The following CREB5 variants were observed in gnomAD, a reference collection of about 807,000 sequenced individuals.
CREB5 encodes the protein cyclic AMP-responsive element-binding protein 5.
In CREB5, 19 loss-of-function variants were observed where a neutral mutation model predicts 57.1. That is an observed-to-expected ratio of 0.33 (90% CI 0.23 to 0.49). The LOEUF (loss-of-function observed/expected upper bound fraction) is 0.49. CREB5 is among the 20% of genes least tolerant of loss of function. The pLI is 0.99. For missense variants in CREB5, 579 were observed against 671.6 expected (o/e 0.86, Z 1.52); for synonymous variants, 238 against 238.3 (o/e 1.00, Z 0.01).
chr7:28,324,780 T>G (rs765001108), intron 1 of CREB5, among the ~76,000 whole-genome samples: 4 of 152,228 alleles, frequency 2.6e-5, no homozygotes, highest in Non-Finnish European at 4.4e-5. Context: ...CGTGGATGTT[T>G]GCTAGGAAGC....
chr7:28,396,862 T>C (rs112969063), intron 1 of CREB5, among the ~76,000 whole-genome samples: 13 of 152,310 alleles, frequency 8.5e-5, no homozygotes, highest in African/African-American at 2.9e-4. Flanking sequence ...TTCATCTCCC[T>C]TTACCTTCTC....
chr7:28,634,131 T>C (rs1437630228), intron 5 of CREB5, among the ~76,000 whole-genome samples: 1 of 152,220 alleles, frequency 6.6e-6, no homozygotes, highest in Non-Finnish European at 1.5e-5. Context: ...TTTCCCATTA[T>C]ACCCTTGTAA....
At chr7:28,430,557 C>A (rs1788673128) in intron 1 of CREB5, among the ~76,000 whole-genome samples, 1 of 152,132 alleles carries the variant, frequency 6.6e-6, no homozygotes, top group East Asian at 1.9e-4. Flanking sequence ...CAAAATATAG[C>A]TATTTGGGAA....
intron 3 of CREB5, among the ~76,000 whole-genome samples, chr7:28,507,042 G>GT (rs1438046199): frequency 1.3e-5 from 2 of 152,234 alleles, no homozygotes; most frequent in Non-Finnish European, 2.9e-5. Context: ...AGCTGAATGT[G>GT]TTTGACTTGG....
intron 5 of CREB5, among the ~76,000 whole-genome samples, chr7:28,661,790 A>G (rs537972754): frequency 2.0e-5 from 3 of 152,364 alleles, no homozygotes; most frequent in African/African-American, 7.2e-5. Context: ...GCTTACAGAA[A>G]GTTTGAAATC....
At chr7:28,668,460 T>C (rs1273204578) in intron 5 of CREB5, among the ~76,000 whole-genome samples, 2 of 152,200 alleles carry the variant, frequency 1.3e-5, no homozygotes, top group Non-Finnish European at 2.9e-5. Context: ...CCTATTTTAA[T>C]TATGCAACTG....
At chr7:28,539,336 C>T (rs1299665345) in intron 4 of CREB5, among the ~76,000 whole-genome samples, 1 of 152,190 alleles carries the variant, frequency 6.6e-6, no homozygotes, top group Non-Finnish European at 1.5e-5. Context: ...CACCAGCCCA[C>T]CTTGGCTGTC....
intron 5 of CREB5, among the ~76,000 whole-genome samples, chr7:28,608,897 TTTAAC>T (rs1215071523): frequency 6.6e-6 from 1 of 152,324 alleles, no homozygotes; most frequent in Admixed American, 6.5e-5. Flanking sequence ...ATTATCTTAA[TTTAAC>T]AGGGAGATTT....
At chr7:28,611,578 G>A (rs7799193) in intron 5 of CREB5, among the ~76,000 whole-genome samples, 376 of 150,676 alleles carry the variant, frequency 2.5e-3, no homozygotes, top group African/African-American at 8.7e-3. Flanking sequence ...AGGAAGCTGA[G>A]GTATGAGAAT....
intron 4 of CREB5, among the ~76,000 whole-genome samples, chr7:28,568,746 C>G (rs1795579667): frequency 1.3e-5 from 2 of 152,156 alleles, no homozygotes; most frequent in African/African-American, 4.8e-5. Flanking sequence ...CATCTGGACT[C>G]CTGACAAACT....
chr7:28,705,922 C>A (rs1385675308), intron 5 of CREB5, among the ~76,000 whole-genome samples: 1 of 152,170 alleles, frequency 6.6e-6, no homozygotes, highest in African/African-American at 2.4e-5. Flanking sequence ...AATGAACAGA[C>A]ACAGACATTT....
intron 4 of CREB5, among the ~76,000 whole-genome samples, chr7:28,557,477 G>A (rs1311146179): frequency 6.6e-6 from 1 of 151,316 alleles, no homozygotes; most frequent in Non-Finnish European, 1.5e-5. Flanking sequence ...GGTTTTCTGT[G>A]TGTGTGTTTT....
chr7:28,589,605 TC>T, intron 5 of CREB5, among the ~76,000 whole-genome samples: 1 of 152,300 alleles, frequency 6.6e-6, no homozygotes, highest in East Asian at 1.9e-4. Context: ...TCTTTGTGGT[TC>T]TTTTTGTTGC....
At chr7:28,725,384 C>T (rs913171242) in intron 7 of CREB5, among the ~76,000 whole-genome samples, 4 of 152,130 alleles carry the variant, frequency 2.6e-5, no homozygotes, top group African/African-American at 9.7e-5. Context: ...CTTCTTGACC[C>T]GAGGAATCAA....
chr7:28,363,134 C>A (rs1053507522), intron 1 of CREB5, among the ~76,000 whole-genome samples: 1 of 152,074 alleles, frequency 6.6e-6, no homozygotes, highest in East Asian at 1.9e-4. Flanking sequence ...GTAGAGCAGC[C>A]AAATATTTCA....
intron 5 of CREB5, among the ~76,000 whole-genome samples, chr7:28,627,493 G>C (rs777699084): frequency 2.0e-5 from 3 of 152,080 alleles, no homozygotes; most frequent in Non-Finnish European, 4.4e-5. Flanking sequence ...ATGAGGTCAC[G>C]GTTGCAAAAC....
chr7:28,609,659 AG>A (rs1797309776), intron 5 of CREB5, among the ~76,000 whole-genome samples: 1 of 152,216 alleles, frequency 6.6e-6, no homozygotes, highest in African/African-American at 2.4e-5. Context: ...ACAGGACCCA[AG>A]TCTACCTTGT....
At chr7:28,515,695 C>T (rs970217749) in intron 4 of CREB5, among the ~76,000 whole-genome samples, 4 of 152,128 alleles carry the variant, frequency 2.6e-5, no homozygotes, top group Admixed American at 2.0e-4. Context: ...AGACACAGTC[C>T]TCAGATCTTC....
At chr7:28,601,334 G>T (rs983884300) in intron 5 of CREB5, among the ~76,000 whole-genome samples, 1 of 152,092 alleles carries the variant, frequency 6.6e-6, no homozygotes, top group African/African-American at 2.4e-5. Context: ...GGAGGAATAA[G>T]TTGGAAATGA....
Sources: allele counts gnomAD v4.1 joint callset (sites outside exome capture counted in the v4.1 genomes callset), GRCh38; gene constraint gnomAD v4.1.1; transcripts MANE v1.5; gene names NCBI Gene and HGNC (gene_info 2026-07-23, HGNC 2026-07-21).